CPLX1: variants seen among roughly 807,000 people sequenced by gnomAD.
CPLX1 encodes the protein complexin 1, also known as complexin-1.
Under a neutral mutation model 15.6 loss-of-function variants are expected in CPLX1, and 6 were observed. The ratio of observed to expected loss-of-function variants is 0.39; its 90% confidence interval spans 0.21 to 0.76. The LOEUF (loss-of-function observed/expected upper bound fraction) is 0.76. CPLX1 is among the 30% of genes least tolerant of loss of function. The pLI is 0.43. For missense variants in CPLX1, 242 were observed against 188.6 expected (o/e 1.28, Z -1.66); for synonymous variants, 91 against 75.2 (o/e 1.21, Z -1.08).
intron 2 of CPLX1, among the ~76,000 whole-genome samples, chr4:817,115 A>C (rs1002767191): frequency 2.0e-5 from 3 of 152,166 alleles, no homozygotes; most frequent in African/African-American, 7.2e-5. Context: ...AAAACAGTGC[A>C]CATTAAACAG....
intron 3 of CPLX1, among the ~76,000 whole-genome samples, chr4:791,418 G>A (rs1746172333): frequency 6.6e-6 from 1 of 152,152 alleles, no homozygotes; most frequent in Non-Finnish European, 1.5e-5. Context: ...CTGGCCTTTT[G>A]GGTACAGCGG....
At chr4:792,851 CAGG>C (rs1746225904) in intron 2 of CPLX1, among the ~76,000 whole-genome samples, 1 of 152,172 alleles carries the variant, frequency 6.6e-6, no homozygotes, top group African/African-American at 2.4e-5. Context: ...TCAAGAGACA[CAGG>C]CAACTCCGTG....
intron 2 of CPLX1, among the ~76,000 whole-genome samples, chr4:797,547 C>T (rs1424674042): frequency 6.6e-6 from 1 of 152,056 alleles, no homozygotes. Context: ...AGGCTGTTCT[C>T]GAACTCTTGA....
intron 3 of CPLX1, chr4:787,802 C>A (rs1746046982): frequency 1.0e-6 from 1 of 985,236 alleles, no homozygotes; most frequent in Non-Finnish European, 1.2e-6. Context: ...GAGCCACCAG[C>A]CCAGGAAGCC....
chr4:808,016 C>T (rs1746590296), intron 2 of CPLX1, among the ~76,000 whole-genome samples: 2 of 152,150 alleles, frequency 1.3e-5, no homozygotes, highest in Admixed American at 6.5e-5. Flanking sequence ...CCTGTCATCC[C>T]AGCACTTGGG....
chr4:786,558 G>A lies in CPLX1; in HGVS notation c.348C>T (p.Ile116=). The A allele has an allele frequency of 2.5e-6, 4 of 1,609,416 alleles. No homozygotes were observed. The South Asian group carries it at 4.4e-5, about 18-fold the overall frequency. The part of the protein sequence containing the change: ...GDEVEEEDES[I]LDTVIKYLPG... ...GCAGGTACTTGATGACGGTGTCCAG[G>A]ATGCTCTCGTCCTCCTCCTCCACCT... Residue 116 remains isoleucine (I), a synonymous_variant, in exon 4 of 4, where the codon ATC becomes ATT. Coordinates refer to ENST00000304062, the MANE Select transcript of CPLX1 (RefSeq NM_006651.4).
chr4:804,209 C>T (rs1746512612), intron 2 of CPLX1, among the ~76,000 whole-genome samples: 1 of 152,242 alleles, frequency 6.6e-6, no homozygotes, highest in Admixed American at 6.5e-5. Context: ...TAAAAGAAGA[C>T]AGCCAATTAT....
At chr4:822,192 GTC>G (rs1333612060) in intron 2 of CPLX1, among the ~76,000 whole-genome samples, 2 of 148,286 alleles carry the variant, frequency 1.3e-5, no homozygotes, top group Non-Finnish European at 3.0e-5. Flanking sequence ...CTCTCCCTCT[GTC>G]TCTGTCTCCA....
At chr4:806,989 G>A (rs1174170641) in intron 2 of CPLX1, among the ~76,000 whole-genome samples, 1 of 152,132 alleles carries the variant, frequency 6.6e-6, no homozygotes, top group Non-Finnish European at 1.5e-5. Flanking sequence ...ATACCCAAAG[G>A]AATATAAATC....
At chr4:787,760 C>T (rs1746045293) in intron 3 of CPLX1, 1 of 985,152 alleles carries the variant, frequency 1.0e-6, no homozygotes, top group South Asian at 4.7e-5. Context: ...ATCAATACGC[C>T]TCCCCACGCC....
At chr4:802,697 C>T (rs894525125) in intron 2 of CPLX1, among the ~76,000 whole-genome samples, 4 of 152,122 alleles carry the variant, frequency 2.6e-5, no homozygotes, top group African/African-American at 9.7e-5. Context: ...CACCTGTAAT[C>T]CCAGCACTTT....
chr4:786,714 G>C lies in CPLX1; in HGVS notation c.208-16C>G, dbSNP rs769458535. 1.3e-6 allele frequency: 2 copies of C among 1,578,216 alleles called. No individual in the cohort carries two copies. Among genetic ancestry groups the C allele is most frequent in the South Asian group, 2.3e-5 (2 of 86,562 alleles). The stretch of plus-strand genomic sequence containing the variant: ...TGATGCCGTACTGCGGGGGAGGCGG[G>C]GGTCAGGGCGGGGGTCCCGGCGGCT... On this transcript the variant is annotated splice_polypyrimidine_tract_variant and intron_variant, in intron 3 of 3. Coordinates refer to ENST00000304062, the MANE Select transcript of CPLX1 (RefSeq NM_006651.4).
chr4:808,722 G>A (rs531267334), intron 2 of CPLX1, among the ~76,000 whole-genome samples: 1 of 152,286 alleles, frequency 6.6e-6, no homozygotes, highest in Non-Finnish European at 1.5e-5. Flanking sequence ...ACCCAGACAG[G>A]AAATAAGATG....
chr4:816,606 A>G (rs1302517648), intron 2 of CPLX1, among the ~76,000 whole-genome samples: 1 of 152,142 alleles, frequency 6.6e-6, no homozygotes, highest in Non-Finnish European at 1.5e-5. Context: ...ACTTCTTTAT[A>G]CTTATTATTT....
At chr4:824,336 G>A (rs190400990) in intron 2 of CPLX1, among the ~76,000 whole-genome samples, 156 bp downstream of exon 2, 1 of 152,232 alleles carries the variant, frequency 6.6e-6, no homozygotes, top group African/African-American at 2.4e-5. Context: ...TGCTGGGCAC[G>A]GTCCTTGCTC....
At chr4:791,594 CAGGG>C (rs2152642812) in intron 3 of CPLX1, among the ~76,000 whole-genome samples, 1 of 152,350 alleles carries the variant, frequency 6.6e-6, no homozygotes, top group East Asian at 1.9e-4. Flanking sequence ...CCGCCGGCAG[CAGGG>C]AGGGGTCCCG....
intron 2 of CPLX1, among the ~76,000 whole-genome samples, chr4:803,219 AGG>A (rs1381220906): frequency 6.6e-6 from 1 of 152,266 alleles, no homozygotes; most frequent in Non-Finnish European, 1.5e-5. Context: ...AGTAAGACCG[AGG>A]GCATGACACA....
chr4:805,110 C>A (rs1746531491), intron 2 of CPLX1, among the ~76,000 whole-genome samples: 1 of 152,246 alleles, frequency 6.6e-6, no homozygotes, highest in South Asian at 2.1e-4. Context: ...ATCGCACATC[C>A]ACACAGGGAA....
intron 3 of CPLX1, 39 bp downstream of exon 3, chr4:792,392 CAG>C (rs769407191): frequency 1.0e-5 from 15 of 1,484,494 alleles, no homozygotes; most frequent in Non-Finnish European, 1.3e-5. Context: ...CCGCTGGACT[CAG>C]GGCCGCCTTC....
Sources: gnomAD v4.1 joint callset for allele counts (sites outside exome capture counted in the v4.1 genomes callset) on GRCh38, gnomAD v4.1.1 for gene constraint, MANE v1.5 for transcripts, NCBI Gene and HGNC (gene_info 2026-07-23, HGNC 2026-07-21) for gene names.